The following GABRP variants were observed in gnomAD, a reference collection of about 807,000 sequenced individuals.
GABRP encodes gamma-aminobutyric acid type A receptor subunit pi, also known as gamma-aminobutyric acid receptor subunit pi.
A neutral mutation model predicts 47.8 loss-of-function variants in GABRP; 52 were observed. The observed-to-expected ratio is 1.09, with a 90% confidence interval of 0.87 to 1.37. The LOEUF is 1.37. Among genes scored for constraint, GABRP ranks in the 40% most tolerant of loss-of-function variants. The pLI, the probability that GABRP is intolerant of heterozygous loss-of-function variation, is 0.00. For synonymous variants in GABRP, 221 were observed against 205.8 expected (o/e 1.07, Z -0.63); for missense variants, 525 against 542.8 (o/e 0.97, Z 0.33).
Position 170,813,977 on chromosome 5 carries a change from G to GT in GABRP, c.*1724dup, listed in dbSNP as rs1356431049. On this transcript the variant is annotated 3_prime_UTR_variant, in exon 10 of 10. Coordinates refer to ENST00000265294, the MANE Select transcript of GABRP (RefSeq NM_014211.3). ...TGTTCTGAAACCCCACTTAAGCATT[G>GT]TTTTTATATAAAAACAATGATAAAG... 2.0e-5 allele frequency: 3 copies of GT among 152,008 alleles called. No individual in the cohort carries two copies. The highest frequency in any genetic ancestry group is 2.0e-4 in the Admixed American group (3 of 15,262). The allele number at this position is 152,008 out of a possible 1,614,324, so 9.4% of individuals were successfully genotyped here.
intron 6 of GABRP, among the ~76,000 whole-genome samples, chr5:170,804,663 A>G (rs1344111417): frequency 4.6e-5 from 7 of 152,166 alleles, no homozygotes; most frequent in Admixed American, 4.6e-4. Flanking sequence ...TCAAAGAGAT[A>G]CATTGAGGGT....
intron 6 of GABRP, among the ~76,000 whole-genome samples, chr5:170,801,475 T>C (rs903671454): frequency 6.6e-6 from 1 of 152,208 alleles, no homozygotes; most frequent in Non-Finnish European, 1.5e-5. Context: ...AATTGCAACC[T>C]GATTACCACA....
At chr5:170,789,271 A>T (rs939140041) in intron 3 of GABRP, 24 bp downstream of exon 3, 1 of 1,485,862 alleles carries the variant, frequency 6.7e-7, no homozygotes, top group Non-Finnish European at 9.4e-7. Context: ...TGTGTCCAGG[A>T]CATCATTCAA....
At chr5:170,811,445 ATC>A (rs1765881265) in intron 9 of GABRP, among the ~76,000 whole-genome samples, 1 of 151,876 alleles carries the variant, frequency 6.6e-6, no homozygotes, top group African/African-American at 2.4e-5. Flanking sequence ...GATTTCTATT[ATC>A]TCTCGTAATC....
In GABRP at chr5:170,809,860, T is replaced by C. The variant is rs1437260636; in HGVS notation, c.1020+105T>C. ...CTATCCCCACCCCACCCGCAGTGAT[T>C]CCCTGTGCTCCAGTGAGTCTTATCC... On this transcript the variant is annotated intron_variant, in intron 9 of 9. Transcript: ENST00000265294. 9.5e-6 allele frequency: 10 copies of C among 1,052,492 alleles called. No homozygotes were observed. The East Asian group carries it at 2.4e-4, about 25-fold the overall frequency. 65.2% of individuals were successfully genotyped at this position (1,052,492 alleles called of 1,614,324 possible). A position where few individuals can be genotyped will look rare whatever the true frequency, so the allele number is the denominator to read the frequency against.
chr5:170,808,541 A>C, intron 7 of GABRP, 59 bp from the exon 8 acceptor site: 42 of 1,501,752 alleles, frequency 2.8e-5, no homozygotes, highest in Non-Finnish European at 3.4e-5. Context: ...AGCATCCCAT[A>C]GAGAAACCAC....
At chr5:170,794,960 G>A (rs1187646079) in intron 4 of GABRP, among the ~76,000 whole-genome samples, 30 of 149,536 alleles carry the variant, frequency 2.0e-4, no homozygotes, top group Non-Finnish European at 3.6e-4. Context: ...TAAATAAGGC[G>A]ATTTGTTCTC....
rs186464754 is a variant in GABRP at position 170,805,077 on chromosome 5, A to G, written c.542-639A>G. Among the ~76,000 whole-genome samples, 447 of 149,202 alleles carry G rather than the reference A, an allele frequency of 3.0e-3. 1 individual carries two copies. The highest frequency in any genetic ancestry group is 0.01 in the African/African-American group (413 of 40,992). On this transcript the variant is annotated intron_variant, in intron 6 of 9. Transcript: ENST00000265294. ...CTACAAGATCCAGTTCAATTTCAGA[A>G]AATGTAAAGAAATGTCCATCTTAGA...
rs144842720 is a variant in GABRP, at chr5:170,786,663, C to A, written c.-42-1911C>A. Among the ~76,000 whole-genome samples, 351 of 152,234 alleles carry A rather than the reference C, an allele frequency of 2.3e-3. 1 individual carries two copies. The highest frequency in any genetic ancestry group is 8.1e-3 in the African/African-American group (336 of 41,520). ...TGTACTACTTAGCCTTGGAAATATT[C>A]CTTATCCTCTCTAATCCTCAGTATT... On this transcript the variant is annotated intron_variant, in intron 1 of 9. Transcript: ENST00000265294.
At chr5:170,808,946 T>C (rs1765811135) in intron 8 of GABRP, among the ~76,000 whole-genome samples, 194 bp downstream of exon 8, 1 of 152,110 alleles carries the variant, frequency 6.6e-6, no homozygotes, top group Non-Finnish European at 1.5e-5. Context: ...GTTGTTGTTT[T>C]TTTTTTGGAG....
At chr5:170,803,518 C>T (rs1765648167) in intron 6 of GABRP, among the ~76,000 whole-genome samples, 1 of 151,980 alleles carries the variant, frequency 6.6e-6, no homozygotes, top group Non-Finnish European at 1.5e-5. Context: ...TAAAATTCAC[C>T]CATTTTAATT....
At chr5:170,784,900 C>T (rs1765089658) in intron 1 of GABRP, among the ~76,000 whole-genome samples, 1 of 152,148 alleles carries the variant, frequency 6.6e-6, no homozygotes. Flanking sequence ...TACTCAGGAG[C>T]CTCCTAGGGC....
intron 7 of GABRP, among the ~76,000 whole-genome samples, chr5:170,807,668 C>T (rs1016104984): frequency 6.6e-6 from 1 of 152,116 alleles, no homozygotes; most frequent in African/African-American, 2.4e-5. Flanking sequence ...TCTCAATTTA[C>T]CCATCAATAA....
At position 170,809,691 on chromosome 5, in the gene GABRP, G is replaced by A. The variant is rs1047949782; in HGVS notation, c.956G>A (p.Gly319Glu). ...YLGICFSFVFGALLEYAVAHY... is the reference protein window; with the variant it reads ...YLGICFSFVFEALLEYAVAHY... Reference sequence around the variant, plus strand: ...GGGATCTGCTTTAGCTTTGTGTTTGGGGCCTTGCTAGAATATGCAGTTGCT... The same window carrying A: ...GGGATCTGCTTTAGCTTTGTGTTTGAGGCCTTGCTAGAATATGCAGTTGCT... The change falls in exon 9 of 10, where the codon GGG becomes GAG. Residue 319 changes from glycine to glutamate, a missense_variant. Coordinates refer to ENST00000265294, the MANE Select transcript of GABRP (RefSeq NM_014211.3). The A allele has an allele frequency of 2.5e-6, 4 of 1,613,208 alleles. No homozygotes were observed. Among genetic ancestry groups the A allele is most frequent in the Non-Finnish European group, 2.5e-6 (3 of 1,179,640 alleles).
intron 6 of GABRP, among the ~76,000 whole-genome samples, chr5:170,804,613 A>T (rs932072315): frequency 1.3e-5 from 2 of 152,048 alleles, no homozygotes; most frequent in African/African-American, 2.4e-5. Context: ...AGTGATGTTG[A>T]GTATCTTTTT....
At chr5:170,797,879 T>C (rs1040350592) in intron 6 of GABRP, among the ~76,000 whole-genome samples, 2 of 152,316 alleles carry the variant, frequency 1.3e-5, no homozygotes, top group East Asian at 3.9e-4. Context: ...CCATCACCTG[T>C]TTCTGCTAAG....
rs370941126 is a variant in GABRP at position 170,812,449 on chromosome 5, G to A, written c.*191G>A. On this transcript the variant is annotated 3_prime_UTR_variant, in exon 10 of 10. Transcript: ENST00000265294. ...GCTGTGTAGAAGTCCTAGCATTATA[G>A]GATCTTGTAATAGAAACATCAGTCC... 5.2e-6 allele frequency: 3 copies of A among 573,234 alleles called. No homozygotes were observed. In the African/African-American group the frequency reaches 5.6e-5, roughly 11 times the overall value. The allele number at this position is 573,234 out of a possible 1,614,324, so 35.5% of individuals were successfully genotyped here. A position where few individuals can be genotyped will look rare whatever the true frequency, so the allele number is the denominator to read the frequency against.
Position 170,808,837 on chromosome 5 carries a change from T to G in GABRP, c.832+85T>G, listed in dbSNP as rs1186965080. The G allele has an allele frequency of 3.3e-5, 39 of 1,182,778 alleles. No individual in the cohort carries two copies. In the Admixed American group the frequency reaches 8.5e-4, roughly 26 times the overall value. The allele number at this position is 1,182,778 out of a possible 1,614,324, so 73.3% of individuals were successfully genotyped here. On this transcript the variant is annotated intron_variant, in intron 8 of 9. Coordinates refer to ENST00000265294, the MANE Select transcript of GABRP (RefSeq NM_014211.3). ...CCTTTTACCATTGTCTTCATTGATA[T>G]TCCTAAGGCAGTTCCAAGAGTTGTT...
Position 170,795,136 on chromosome 5 carries a change from C to A in GABRP, c.241-72C>A, listed in dbSNP as rs1209412860. The A allele has an allele frequency of 1.8e-5, 20 of 1,100,468 alleles. 1 individual carries two copies. The highest frequency in any genetic ancestry group is 4.2e-6 in the Non-Finnish European group (3 of 716,564). 68.2% of individuals were successfully genotyped at this position (1,100,468 alleles called of 1,614,324 possible). On this transcript the variant is annotated intron_variant, in intron 4 of 9. Transcript: ENST00000265294. The stretch of plus-strand genomic sequence containing the variant: ...TGGGGAGGGGAGTAAACTTTGACCA[C>A]TTTCCTCCATTTGGTGGGGTTTTCT...
Sources: allele counts gnomAD v4.1 joint callset (sites outside exome capture counted in the v4.1 genomes callset), GRCh38; gene constraint gnomAD v4.1.1; transcripts MANE v1.5; gene names NCBI Gene and HGNC (gene_info 2026-07-23, HGNC 2026-07-21).